The following CYB5R4 variants were observed in gnomAD, a reference collection of about 807,000 sequenced individuals.
The protein encoded by CYB5R4 is N-terminal cytochrome b5 and cytochrome b5 oxidoreductase domain-containing protein.
Under a neutral mutation model 70.2 loss-of-function variants are expected in CYB5R4, and 55 were observed. The observed-to-expected ratio is 0.78, with a 90% CI of 0.63 to 0.98. The LOEUF is 0.98. Ranked by LOEUF, CYB5R4 falls within the 50% of genes least tolerant of loss-of-function variation. CYB5R4 has a pLI of 0.00. For missense variants in CYB5R4, 562 were observed against 612.6 expected, an observed-to-expected ratio of 0.92 and a Z score of 0.87; for synonymous variants, 197 against 199.5, an observed-to-expected ratio of 0.99 and a Z score of 0.11.
intron 2 of CYB5R4, among the ~76,000 whole-genome samples, chr6:83,868,076 G>A (rs2099457017): frequency 6.6e-6 from 1 of 152,210 alleles, no homozygotes; most frequent in Non-Finnish European, 1.5e-5. Context: ...ATGGGGGAAT[G>A]TGTGTGCCAA....
intron 2 of CYB5R4, among the ~76,000 whole-genome samples, chr6:83,869,097 A>G (rs2099457175): frequency 1.3e-5 from 2 of 152,270 alleles, no homozygotes; most frequent in African/African-American, 2.4e-5. Flanking sequence ...GTCATATACT[A>G]GTAAATTGAA....
chr6:83,890,948 T>C (rs1296343733), intron 2 of CYB5R4, among the ~76,000 whole-genome samples: 2 of 150,620 alleles, frequency 1.3e-5, no homozygotes, highest in Non-Finnish European at 2.9e-5. Flanking sequence ...TAAACATAAC[T>C]GTTATTTATT....
At chr6:83,885,907 A>C (rs1164027168) in intron 2 of CYB5R4, among the ~76,000 whole-genome samples, 1 of 152,188 alleles carries the variant, frequency 6.6e-6, no homozygotes, top group Non-Finnish European at 1.5e-5. Flanking sequence ...AGAGAAACGA[A>C]AATATAAGTC....
intron 2 of CYB5R4, among the ~76,000 whole-genome samples, chr6:83,865,132 G>A (rs1249429493): frequency 6.6e-6 from 1 of 152,178 alleles, no homozygotes; most frequent in Non-Finnish European, 1.5e-5. Flanking sequence ...TAACCTATAT[G>A]AGGGCAGGGA....
intron 3 of CYB5R4, among the ~76,000 whole-genome samples, chr6:83,897,490 T>A (rs1335027484): frequency 6.6e-6 from 1 of 152,238 alleles, no homozygotes; most frequent in Non-Finnish European, 1.5e-5. Context: ...TCCACAATGG[T>A]TGAACCAGTT....
At chr6:83,862,036 A>G (rs550221403) in intron 1 of CYB5R4, among the ~76,000 whole-genome samples, 1 of 152,362 alleles carries the variant, frequency 6.6e-6, no homozygotes, top group South Asian at 2.1e-4. Flanking sequence ...TTGAAGTGAG[A>G]AAGACCTAGA....
At chr6:83,916,086 CTTA>C (rs1195862162) in intron 5 of CYB5R4, among the ~76,000 whole-genome samples, 5 of 151,706 alleles carry the variant, frequency 3.3e-5, no homozygotes, top group Non-Finnish European at 2.9e-5. Context: ...TATTCCATGG[CTTA>C]TTATTCTGTT....
At chr6:83,930,762 C>A (rs557177480) in intron 10 of CYB5R4, among the ~76,000 whole-genome samples, 1 of 150,914 alleles carries the variant, frequency 6.6e-6, no homozygotes, top group African/African-American at 2.5e-5. Flanking sequence ...ATTTGAAGCC[C>A]GCTGTTGAGA....
Position 83,885,021 on chromosome 6 carries a change from C to G in CYB5R4, c.230-8501C>G, listed in dbSNP as rs1027222250. Among the ~76,000 whole-genome samples, 69 of 151,948 alleles carry G rather than the reference C, an allele frequency of 4.5e-4. 1 individual carries two copies. The highest frequency in any genetic ancestry group is 1.6e-3 in the African/African-American group (68 of 41,368). On this transcript the variant is annotated intron_variant, in intron 2 of 15. Transcript: ENST00000369681. ...CTTTTATTGTTGAAGACTCCAAGGA[C>G]TATTGTTTAGGACATATCTATTGAT... is the stretch of plus-strand genomic sequence containing the variant.
chr6:83,861,933 G>T (rs894616929), intron 1 of CYB5R4, among the ~76,000 whole-genome samples: 23 of 152,146 alleles, frequency 1.5e-4, no homozygotes, highest in Non-Finnish European at 3.4e-4. Flanking sequence ...TTAACCCACG[G>T]TAAAATTAGT....
intron 10 of CYB5R4, among the ~76,000 whole-genome samples, chr6:83,930,520 A>T (rs1202342291): frequency 6.6e-6 from 1 of 152,174 alleles, no homozygotes; most frequent in Admixed American, 6.5e-5. Context: ...TCCAAGTTTT[A>T]TCATGAGATT....
intron 1 of CYB5R4, among the ~76,000 whole-genome samples, chr6:83,861,589 A>T (rs963716391): frequency 4.6e-5 from 7 of 152,196 alleles, no homozygotes; most frequent in African/African-American, 1.7e-4. Context: ...GCCCAAAGAT[A>T]TGCAAGTTAG....
chr6:83,950,352 A>G (rs1436073793), intron 14 of CYB5R4, among the ~76,000 whole-genome samples: 2 of 152,144 alleles, frequency 1.3e-5, no homozygotes, highest in Admixed American at 1.3e-4. Context: ...GCAGTAGTGG[A>G]TTTAACTAAT....
chr6:83,943,844 GA>G (rs1475467212), intron 14 of CYB5R4, among the ~76,000 whole-genome samples: 6 of 151,884 alleles, frequency 4.0e-5, no homozygotes, highest in Admixed American at 1.3e-4. Context: ...CGATCAAGCG[GA>G]AGAAAGGATA....
At position 83,940,142 on chromosome 6, in the gene CYB5R4, G is replaced by C; in HGVS notation, c.1195G>C (p.Gly399Arg). 6.2e-7 allele frequency: 1 copy of C among 1,611,830 alleles called. No homozygotes were observed. The highest frequency in any genetic ancestry group is 8.5e-7 in the Non-Finnish European group (1 of 1,178,484). ...ELEDLFLLAAGTGFTPMVKIL... is the reference protein window; with the variant it reads ...ELEDLFLLAARTGFTPMVKIL... ...AGAAGATCTCTTTTTGTTGGCAGCT[G>C]GAACAGGCTTCACACCAATGGTTAA... Residue 399 changes from glycine to arginine, a missense_variant, in exon 13 of 16, where the codon GGA (glycine) becomes CGA (arginine). Physicochemically the swap from Gly to Arg is moderately radical, Grantham distance 125. Coordinates refer to ENST00000369681, the MANE Select transcript of CYB5R4 (RefSeq NM_016230.4).
intron 14 of CYB5R4, among the ~76,000 whole-genome samples, chr6:83,946,907 T>TAAGAG (rs2099470704): frequency 6.6e-6 from 1 of 151,374 alleles, no homozygotes; most frequent in Non-Finnish European, 1.5e-5. Context: ...CTCCAGGAAA[T>TAAGAG]AGGACACAAA....
At chr6:83,917,148 TAC>T (rs1464880285) in intron 5 of CYB5R4, among the ~76,000 whole-genome samples, 1 of 152,056 alleles carries the variant, frequency 6.6e-6, no homozygotes, top group Non-Finnish European at 1.5e-5. Context: ...AAATGCATCA[TAC>T]ACCCAAGATG....
chr6:83,924,069 C>CA (rs34702511), intron 9 of CYB5R4, among the ~76,000 whole-genome samples: 15,995 of 52,480 alleles, frequency 0.3, 2,672 homozygotes, highest in East Asian at 0.36. Flanking sequence ...GACTCCGTCT[C>CA]AAAAAAAAAA....
rs545781950 is a variant in CYB5R4, at chr6:83,955,451, A to T, written c.1500A>T (p.Glu500Asp). ...VCICGPVPFTEQGVRLLHDLN... is the reference protein window; with the variant it reads ...VCICGPVPFTDQGVRLLHDLN... ...TTTGTGGACCAGTGCCATTTACAGA[A>T]CAAGGAGTAAGGTGAGTAACAGTGT... Residue 500 changes from glutamate to aspartate, a missense_variant, in exon 15 of 16, where the codon GAA becomes GAT. Transcript: ENST00000369681. 6.2e-7 allele frequency: 1 copy of T among 1,613,708 alleles called. No homozygotes were observed. The highest frequency in any genetic ancestry group is 1.7e-5 in the Admixed American group (1 of 60,012).
Sources: allele counts gnomAD v4.1 joint callset (sites outside exome capture counted in the v4.1 genomes callset), GRCh38; gene constraint gnomAD v4.1.1; transcripts MANE v1.5; gene names NCBI Gene and HGNC (gene_info 2026-07-23, HGNC 2026-07-21).